SLC11A1: variants seen among roughly 807,000 people sequenced by gnomAD.
The protein encoded by SLC11A1 is natural resistance-associated macrophage protein 1.
Under a neutral mutation model 63.2 loss-of-function variants are expected in SLC11A1, and 59 were observed. The observed-to-expected ratio is 0.93, with a 90% CI of 0.76 to 1.16. The LOEUF is 1.16. SLC11A1 is among the 50% of genes most tolerant of loss of function. The pLI is 0.00. For missense variants in SLC11A1, 688 were observed against 730.7 expected (o/e 0.94, Z 0.67); for synonymous variants, 305 against 307.8 (o/e 0.99, Z 0.09).
chr2:218,390,113 G>A, intron 9 of SLC11A1, 85 bp downstream of exon 9: 3 of 1,374,080 alleles, frequency 2.2e-6, no homozygotes, highest in South Asian at 1.4e-5. Context: ...CAATGCAGCT[G>A]AGCCCTTCTG....
chr2:218,390,900 G>A (rs146822296), intron 9 of SLC11A1, among the ~76,000 whole-genome samples: 20 of 152,058 alleles, frequency 1.3e-4, no homozygotes, highest in African/African-American at 3.1e-4. Flanking sequence ...AAAAAAACCC[G>A]GCCGGGTGCG....
intron 4 of SLC11A1, 193 bp downstream of exon 4, chr2:218,385,459 C>A: frequency 1.5e-6 from 1 of 680,456 alleles, no homozygotes. Context: ...GGTGCGATGT[C>A]AGCTCACTGC....
chr2:218,391,914 C>T (rs754760797), intron 11 of SLC11A1: 1 of 271,546 alleles, frequency 3.7e-6, no homozygotes, highest in Middle Eastern at 1.4e-3. Flanking sequence ...TGAACCACCG[C>T]ACCCGGCCAA....
In SLC11A1 at chr2:218,396,073, G is replaced by A. The variant is rs936009240; in HGVS notation, c.*1038G>A. The stretch of plus-strand genomic sequence containing the variant: ...GCGCCGTTACCGCTCCCTCTCTGCT[G>A]ACTGCTCCCCCTAGGGGCAGAGACG... On this transcript the variant is annotated 3_prime_UTR_variant, in exon 15 of 15. Coordinates refer to ENST00000233202, the MANE Select transcript of SLC11A1 (RefSeq NM_000578.4). 2.0e-5 allele frequency: 3 copies of A among 152,338 alleles called. No individual in the cohort carries two copies. The highest frequency in any genetic ancestry group is 4.4e-5 in the Non-Finnish European group (3 of 68,064). 9.4% of individuals were successfully genotyped at this position (152,338 alleles called of 1,614,324 possible). A position where few individuals can be genotyped will look rare whatever the true frequency, so the allele number is the denominator to read the frequency against.
At chr2:218,394,899 C>G (rs1351906582) in intron 14 of SLC11A1, 26 bp from the exon 15 acceptor site, 6 of 1,608,218 alleles carry the variant, frequency 3.7e-6, no homozygotes, top group Non-Finnish European at 5.1e-6. Context: ...TGGCATCTCC[C>G]CAATTCATGG....
intron 13 of SLC11A1, 198 bp downstream of exon 13, chr2:218,394,391 A>G: frequency 2.9e-6 from 2 of 699,130 alleles, no homozygotes; most frequent in Non-Finnish European, 4.7e-6. Context: ...GGCTGTTTCT[A>G]GAGCCTGAGC....
Position 218,391,178 on chromosome 2 carries a change from T to G in SLC11A1, c.955-20T>G, listed in dbSNP as rs1013682715. 11 of 1,610,968 alleles carry G rather than the reference T, an allele frequency of 6.8e-6. No homozygotes were observed. The highest frequency in any genetic ancestry group is 9.3e-6 in the Non-Finnish European group (11 of 1,177,164). ...GAGCGTGCTCCTCACATCTTCCTTC[T>G]ACTGCCCTGGTACCCACAGTTCAAC... On this transcript the variant is annotated intron_variant, in intron 9 of 14. Transcript: ENST00000233202.
rs529909528 is a variant in SLC11A1 at position 218,386,647 on chromosome 2, G to A, written c.406G>A (p.Val136Ile). ...HLYYPKVPRT[V>I]LWLTIELAIV... ...CTCCTCCCCATAGGTGCCCCGCACC[G>A]TCCTCTGGCTGACCATCGAGCTAGC... Residue 136 changes from valine (V) to isoleucine (I), a missense_variant, in exon 5 of 15, where the codon GTC (valine) becomes ATC (isoleucine). By Grantham distance (29) the Val-to-Ile change is conservative. Transcript: ENST00000233202. The A allele has an allele frequency of 3.8e-5, 61 of 1,613,556 alleles. No individual in the cohort carries two copies. The South Asian group carries it at 4.4e-4, about 12-fold the overall frequency.
At chr2:218,390,292 G>T (rs1395038335) in intron 9 of SLC11A1, among the ~76,000 whole-genome samples, 1 of 151,406 alleles carries the variant, frequency 6.6e-6, no homozygotes, top group Non-Finnish European at 1.5e-5. Flanking sequence ...GAGCAGACAG[G>T]AATGAATACC....
At position 218,389,661 on chromosome 2, in the gene SLC11A1, C is replaced by G. The variant is rs539821187; in HGVS notation, c.796-209C>G. On this transcript the variant is annotated intron_variant, in intron 8 of 14. Transcript: ENST00000233202. ...GGGACCTCAAAGGCCAGCCTTGCTT[C>G]ACCCACACAGTGGCTTACAGTGGTA... Among the ~76,000 whole-genome samples, 6 of 152,346 alleles carry G rather than the reference C, an allele frequency of 3.9e-5. No homozygotes were observed. In the South Asian group the frequency reaches 1.2e-3, roughly 32 times the overall value.
chr2:218,385,239 C>A lies in SLC11A1; in HGVS notation c.366C>A (p.Gly122=). Residue 122 remains glycine (G), a synonymous_variant, in exon 4 of 15, where the codon GGC becomes GGA. Transcript: ENST00000233202. The part of the protein sequence containing the change: ...RLGVVTGKDL[G]EVCHLYYPKV... ...GCGTGGTGACAGGCAAGGACTTGGG[C>A]GAGGTCTGCCATCTCTACTACCCTA... is the stretch of plus-strand genomic sequence containing the variant. 6.2e-7 allele frequency: 1 copy of A among 1,613,922 alleles called. No individual in the cohort carries two copies. Among genetic ancestry groups the A allele is most frequent in the South Asian group, 1.1e-5 (1 of 91,070 alleles).
At chr2:218,390,845 G>C (rs1308496507) in intron 9 of SLC11A1, among the ~76,000 whole-genome samples, 1 of 152,032 alleles carries the variant, frequency 6.6e-6, no homozygotes. Flanking sequence ...CTTATGCCAG[G>C]CCTTCTCAAT....
At chr2:218,389,432 G>C (rs557413589) in intron 8 of SLC11A1, among the ~76,000 whole-genome samples, 24 of 152,114 alleles carry the variant, frequency 1.6e-4, no homozygotes, top group African/African-American at 5.5e-4. Flanking sequence ...GTGTGTCTGT[G>C]GTCCCAGCTA....
Position 218,395,391 on chromosome 2 carries a change from C to T in SLC11A1, c.*356C>T, listed in dbSNP as rs981630981. ...GGTGGGTGGGGTGAGGGCTTGAGGACTTGGGCGGGACACAGGCTCCAAACT... is the reference window on the plus strand; with the variant it reads ...GGTGGGTGGGGTGAGGGCTTGAGGATTTGGGCGGGACACAGGCTCCAAACT... On this transcript the variant is annotated 3_prime_UTR_variant, in exon 15 of 15. Transcript: ENST00000233202. 4.5e-6 allele frequency: 1 copy of T among 221,884 alleles called. No homozygotes were observed. Among genetic ancestry groups the T allele is most frequent in the Non-Finnish European group, 9.0e-6 (1 of 110,968 alleles). 13.7% of individuals were successfully genotyped at this position (221,884 alleles called of 1,614,324 possible). A position where few individuals can be genotyped will look rare whatever the true frequency, so the allele number is the denominator to read the frequency against.
rs1479673333 is a variant in SLC11A1, at chr2:218,389,767, AG to A, written c.796-102del. The A allele has an allele frequency of 2.4e-6, 3 of 1,240,516 alleles. No individual in the cohort carries two copies. The African/African-American group carries it at 4.5e-5, about 19-fold the overall frequency. The allele number at this position is 1,240,516 out of a possible 1,614,324, so 76.8% of individuals were successfully genotyped here. On this transcript the variant is annotated intron_variant, in intron 8 of 14. Transcript: ENST00000233202. ...CCCAGACTGCCACGCAGGGGACTTA[AG>A]AAGGTACTGGGCTTTGGGGAGAACA...
At chr2:218,382,410 G>A (rs369962804) in intron 1 of SLC11A1, 35 bp downstream of exon 1, 4 of 1,612,534 alleles carry the variant, frequency 2.5e-6, no homozygotes, top group Non-Finnish European at 3.4e-6. Context: ...AGCCTGATTG[G>A]GGGGTGGAGT....
At position 218,384,450 on chromosome 2, in the gene SLC11A1, C is replaced by T. The variant is rs1695968696; in HGVS notation, c.273+85C>T. ...TTGAAGGCCCCTGCTGGCCATGTTTCTCCAATGTGGCCTGGGAGCTGGTGT... is the reference window on the plus strand; with the variant it reads ...TTGAAGGCCCCTGCTGGCCATGTTTTTCCAATGTGGCCTGGGAGCTGGTGT... On this transcript the variant is annotated intron_variant, in intron 3 of 14. Coordinates refer to ENST00000233202, the MANE Select transcript of SLC11A1 (RefSeq NM_000578.4). This position sits in a 1 kb window ranked among gnomAD's most constrained non-coding sequence, Gnocchi z 4.0. 1.3e-6 allele frequency: 2 copies of T among 1,484,300 alleles called. No homozygotes were observed. Among genetic ancestry groups the T allele is most frequent in the South Asian group, 2.5e-5 (2 of 78,450 alleles). 91.9% of individuals were successfully genotyped at this position (1,484,300 alleles called of 1,614,324 possible).
At chr2:218,382,848 G>A in intron 1 of SLC11A1, 112 bp from the exon 2 acceptor site, 1 of 1,367,016 alleles carries the variant, frequency 7.3e-7, no homozygotes, top group Non-Finnish European at 1.0e-6. Context: ...TGGGGGCCAG[G>A]GACCTTAGTT....
intron 2 of SLC11A1, chr2:218,383,935 C>G (rs918103309): frequency 4.0e-5 from 8 of 198,606 alleles, no homozygotes; most frequent in Non-Finnish European, 6.1e-5. Context: ...CCCCTCACCC[C>G]CTTAGACAGC....
Sources: allele counts gnomAD v4.1 joint callset (sites outside exome capture counted in the v4.1 genomes callset), GRCh38; gene constraint gnomAD v4.1.1; non-coding constraint Gnocchi (gnomAD v3.1); transcripts MANE v1.5; gene names NCBI Gene and HGNC (gene_info 2026-07-23, HGNC 2026-07-21).